The following ATRNL1 variants were observed in gnomAD, a reference collection of about 807,000 sequenced individuals.
ATRNL1 encodes the protein attractin-like protein 1.
A neutral mutation model predicts 182.7 loss-of-function variants in ATRNL1; 95 were observed. That is an observed-to-expected ratio of 0.52 (90% CI 0.44 to 0.62). The LOEUF is 0.62. Among genes scored for constraint, ATRNL1 ranks in the 20% least tolerant of loss-of-function variants. The pLI is 0.00. For missense variants in ATRNL1, 1,471 were observed against 1,679.5 expected (o/e 0.88, Z 2.17); for synonymous variants, 576 against 568.3 (o/e 1.01, Z -0.19).
chr10:115,232,880 T>C lies in ATRNL1; in HGVS notation c.1533-8691T>C, dbSNP rs572638164. Reference sequence around the variant, plus strand: ...CTGTATTCATTTCCTATGGCTACTATAATAAACTATCATAGACTTGGAGGC... The same window carrying C: ...CTGTATTCATTTCCTATGGCTACTACAATAAACTATCATAGACTTGGAGGC... On this transcript the variant is annotated intron_variant, in intron 9 of 28. Transcript: ENST00000355044. 3.9e-5 allele frequency among the ~76,000 whole-genome samples: 6 copies of C among 152,306 alleles called. No individual in the cohort carries two copies. In the South Asian group the frequency reaches 1.2e-3, roughly 32 times the overall value.
intron 28 of ATRNL1, among the ~76,000 whole-genome samples, chr10:115,932,901 G>C (rs782645094): frequency 1.3e-5 from 2 of 152,012 alleles, no homozygotes; most frequent in Non-Finnish European, 2.9e-5. Flanking sequence ...TAAATACTAT[G>C]GAAAATTATT....
chr10:115,271,387 A>G (rs1427386061), intron 13 of ATRNL1, among the ~76,000 whole-genome samples: 1 of 152,066 alleles, frequency 6.6e-6, no homozygotes, highest in Non-Finnish European at 1.5e-5. Context: ...GCACTCATTA[A>G]TTCGTCATTT....
At chr10:115,859,590 C>A (rs1477574770) in intron 28 of ATRNL1, among the ~76,000 whole-genome samples, 5 of 152,100 alleles carry the variant, frequency 3.3e-5, no homozygotes, top group Non-Finnish European at 5.9e-5. Flanking sequence ...CAAATTCCTT[C>A]TAGTCACAGA....
intron 26 of ATRNL1, among the ~76,000 whole-genome samples, chr10:115,611,234 A>G (rs372991982): frequency 1.3e-5 from 2 of 152,226 alleles, no homozygotes; most frequent in East Asian, 1.9e-4. Context: ...GAAAATTGGA[A>G]AAATAATTTC....
chr10:115,665,179 A>G (rs1442225322), intron 26 of ATRNL1, among the ~76,000 whole-genome samples: 1 of 152,138 alleles, frequency 6.6e-6, no homozygotes. Flanking sequence ...GGTAAAGACT[A>G]CTGATGTAGG....
chr10:115,556,922 T>G (rs1227780006), intron 26 of ATRNL1, among the ~76,000 whole-genome samples: 1 of 151,474 alleles, frequency 6.6e-6, no homozygotes, highest in Non-Finnish European at 1.5e-5. Context: ...GCCATTCTAC[T>G]GTTCCATCCC....
chr10:115,369,956 G>C (rs114516157), intron 19 of ATRNL1, among the ~76,000 whole-genome samples: 2,004 of 152,292 alleles, frequency 0.013, 38 homozygotes, highest in African/African-American at 0.044. Flanking sequence ...TGCTGTAATT[G>C]CCAGGTGTTG....
intron 6 of ATRNL1, among the ~76,000 whole-genome samples, chr10:115,163,557 G>C (rs1315807767): frequency 3.3e-5 from 5 of 151,684 alleles, no homozygotes; most frequent in African/African-American, 1.2e-4. Context: ...TAGAGGCGGG[G>C]TCTCCCTATA....
At chr10:115,861,160 A>G (rs1951306944) in intron 28 of ATRNL1, among the ~76,000 whole-genome samples, 1 of 152,084 alleles carries the variant, frequency 6.6e-6, no homozygotes, top group South Asian at 2.1e-4. Flanking sequence ...CCCCTTTTGC[A>G]CCAAGAGAAT....
At chr10:115,135,469 A>G (rs1004098355) in intron 5 of ATRNL1, among the ~76,000 whole-genome samples, 1 of 152,190 alleles carries the variant, frequency 6.6e-6, no homozygotes, top group Non-Finnish European at 1.5e-5. Context: ...CTAGGAATCC[A>G]ACTTACAAGG....
At chr10:115,535,576 G>A (rs1435952481) in intron 25 of ATRNL1, among the ~76,000 whole-genome samples, 1 of 152,134 alleles carries the variant, frequency 6.6e-6, no homozygotes, top group African/African-American at 2.4e-5. Flanking sequence ...GCTCGGAGCA[G>A]TTTGATTGTC....
intron 15 of ATRNL1, among the ~76,000 whole-genome samples, chr10:115,297,092 A>C (rs1554922857): frequency 6.6e-6 from 1 of 151,340 alleles, no homozygotes; most frequent in East Asian, 2.0e-4. Flanking sequence ...CCAGCACATG[A>C]AAATATTGGT....
At chr10:115,135,884 G>C (rs1554876521) in intron 5 of ATRNL1, among the ~76,000 whole-genome samples, 1 of 151,844 alleles carries the variant, frequency 6.6e-6, no homozygotes, top group East Asian at 1.9e-4. Context: ...CTTGGAGATA[G>C]GATCTCACTC....
intron 10 of ATRNL1, among the ~76,000 whole-genome samples, chr10:115,264,159 TG>T (rs1190806271): frequency 4.6e-5 from 7 of 151,766 alleles, no homozygotes; most frequent in Admixed American, 1.3e-4. Flanking sequence ...TGTATACATG[TG>T]CCATGTTGGT....
At chr10:115,387,116 C>G (rs1185235699) in intron 19 of ATRNL1, among the ~76,000 whole-genome samples, 1 of 151,138 alleles carries the variant, frequency 6.6e-6, no homozygotes, top group South Asian at 2.1e-4. Context: ...GTAGGGACAT[C>G]ATGTCCTTTG....
intron 10 of ATRNL1, among the ~76,000 whole-genome samples, chr10:115,262,664 A>G (rs1260897063): frequency 6.6e-6 from 1 of 152,050 alleles, no homozygotes; most frequent in Non-Finnish European, 1.5e-5. Context: ...TATCCAGAAT[A>G]TTTAATCAAG....
chr10:115,868,941 T>G (rs4237491), intron 28 of ATRNL1, among the ~76,000 whole-genome samples: 140,454 of 150,212 alleles, frequency 0.94, 66,314 homozygotes, highest in East Asian at 1. Flanking sequence ...GCCATTCTCC[T>G]GCCTCAGCCG....
intron 1 of ATRNL1, among the ~76,000 whole-genome samples, chr10:115,099,761 T>A (rs1843695300): frequency 6.6e-6 from 1 of 152,200 alleles, no homozygotes; most frequent in Non-Finnish European, 1.5e-5. Flanking sequence ...TCAAACCTTT[T>A]GCATGTTAAA....
intron 5 of ATRNL1, among the ~76,000 whole-genome samples, chr10:115,151,751 C>A (rs1340782097): frequency 6.6e-6 from 1 of 152,108 alleles, no homozygotes; most frequent in African/African-American, 2.4e-5. Context: ...GCTTTTGTTG[C>A]CATTGCTTTT....
Sources: allele counts gnomAD v4.1 joint callset (sites outside exome capture counted in the v4.1 genomes callset), GRCh38; gene constraint gnomAD v4.1.1; transcripts MANE v1.5; gene names NCBI Gene and HGNC (gene_info 2026-07-23, HGNC 2026-07-21).